Variants in MSH4 observed in about 807,000 individuals in gnomAD.
MSH4 encodes the protein mutS protein homolog 4.
Under a neutral mutation model 113.7 loss-of-function variants are expected in MSH4, and 106 were observed. That is an observed-to-expected ratio of 0.93 (90% CI 0.80 to 1.10). MSH4 has a LOEUF of 1.10. MSH4 is among the 50% of genes least tolerant of loss of function. MSH4 has a pLI of 0.00. For synonymous variants in MSH4, 368 were observed against 380.2 expected (o/e 0.97, Z 0.37); for missense variants, 1,061 against 1,093.7 (o/e 0.97, Z 0.42).
chr1:75,843,083 C>CCT (rs998835417), intron 7 of MSH4, among the ~76,000 whole-genome samples: 3 of 151,828 alleles, frequency 2.0e-5, no homozygotes, highest in African/African-American at 7.3e-5. Context: ...CTCTTTGTCT[C>CCT]CTCTCTCTCT....
intron 18 of MSH4, among the ~76,000 whole-genome samples, chr1:75,898,585 C>T (rs1019565413): frequency 2.0e-5 from 3 of 149,288 alleles, no homozygotes; most frequent in Non-Finnish European, 3.0e-5. Flanking sequence ...GTGGCACTAT[C>T]TCTGCTCACT....
chr1:75,843,705 A>G (rs1317856053), intron 7 of MSH4, among the ~76,000 whole-genome samples: 8 of 152,212 alleles, frequency 5.3e-5, no homozygotes, highest in Non-Finnish European at 1.2e-4. Context: ...ATAGAAACAG[A>G]AAATTAGAAA....
intron 9 of MSH4, among the ~76,000 whole-genome samples, chr1:75,871,212 A>G (rs1366491050): frequency 6.6e-6 from 1 of 152,104 alleles, no homozygotes; most frequent in African/African-American, 2.4e-5. Context: ...TCTGATGAGA[A>G]CTCACTCACC....
rs1206370915 is a variant in MSH4, at chr1:75,881,281, A to G, written c.1817A>G (p.His606Arg). The change falls in exon 14 of 20, where the codon CAT (histidine) becomes CGT (arginine). Residue 606 changes from histidine (H) to arginine (R), a missense_variant. Coordinates refer to ENST00000263187, the MANE Select transcript of MSH4 (RefSeq NM_002440.4). ...VCKLLSEIYE[H>R]IHCLYKLSDT... ...AAACTGCTTAGTGAGATTTATGAAC[A>G]TATTCATTGCTTATATAAACTATCT... is the stretch of plus-strand genomic sequence containing the variant. The G allele has an allele frequency of 1.2e-6, 2 of 1,608,466 alleles. No homozygotes were observed. The highest frequency in any genetic ancestry group is 1.1e-5 in the South Asian group (1 of 90,768).
chr1:75,898,045 A>G lies in MSH4; in HGVS notation c.2494A>G (p.Lys832Glu). The change falls in exon 18 of 20, where the codon AAA becomes GAA. Residue 832 changes from lysine to glutamate, a missense_variant. Coordinates refer to ENST00000263187, the MANE Select transcript of MSH4 (RefSeq NM_002440.4). ...TAAAGAAGCAATTTTGTATACCTACAAACTTTCTAAGGGACTCACAGAAGA... is the reference window on the plus strand; with the variant it reads ...TAAAGAAGCAATTTTGTATACCTACGAACTTTCTAAGGGACTCACAGAAGA... ...RNKEAILYTY[K>E]LSKGLTEEKN... The G allele has an allele frequency of 1.3e-6, 2 of 1,598,344 alleles. No homozygotes were observed. Among genetic ancestry groups the G allele is most frequent in the Non-Finnish European group, 1.7e-6 (2 of 1,172,656 alleles).
intron 7 of MSH4, among the ~76,000 whole-genome samples, chr1:75,840,173 A>G (rs1276595294): frequency 2.0e-5 from 3 of 149,914 alleles, no homozygotes; most frequent in Non-Finnish European, 4.5e-5. Flanking sequence ...TACTGGGTAT[A>G]TACCCAAAGG....
chr1:75,824,464 C>T (rs573869371), intron 7 of MSH4, among the ~76,000 whole-genome samples: 54 of 152,240 alleles, frequency 3.5e-4, no homozygotes, highest in South Asian at 8.3e-4. Flanking sequence ...TGAGCAGAAG[C>T]GCTTTAGTTT....
intron 9 of MSH4, among the ~76,000 whole-genome samples, chr1:75,867,989 T>C (rs1181771195): frequency 6.6e-6 from 1 of 152,088 alleles, no homozygotes; most frequent in Non-Finnish European, 1.5e-5. Flanking sequence ...TGATATAGGG[T>C]CCAATCCAGG....
In MSH4 at chr1:75,807,123, C is replaced by A; in HGVS notation, c.570C>A (p.Asp190Glu). ...AAATTATACTATCCCAGTTTGCAGA[C>A]AACACAACATATGCAAAGGTAAGTA... is the stretch of plus-strand genomic sequence containing the variant. ...NPQIILSQFADNTTYAKVITK... is the reference protein window; with the variant it reads ...NPQIILSQFAENTTYAKVITK... Residue 190 changes from aspartate to glutamate, a missense_variant, in exon 3 of 20, where the codon GAC becomes GAA. Coordinates refer to ENST00000263187, the MANE Select transcript of MSH4 (RefSeq NM_002440.4). 1 of 1,565,688 alleles carries A rather than the reference C, an allele frequency of 6.4e-7. No homozygotes were observed.
intron 13 of MSH4, 80 bp from the exon 14 acceptor site, chr1:75,881,166 A>C: frequency 9.0e-7 from 1 of 1,105,448 alleles, no homozygotes; most frequent in Non-Finnish European, 1.3e-6. Context: ...TCAGGCAATG[A>C]ATTTAATATT....
intron 8 of MSH4, among the ~76,000 whole-genome samples, chr1:75,866,452 T>C (rs1054564796): frequency 6.6e-6 from 1 of 152,178 alleles, no homozygotes; most frequent in Admixed American, 6.5e-5. Context: ...ACATAAGCCA[T>C]TGCACCTAGC....
chr1:75,899,651 C>A lies in MSH4; in HGVS notation c.2564C>A (p.Pro855Gln), dbSNP rs1652466086. ...GCTGCAGAGGTGTCATCACTTCCACCATCAATTGTCTTGGATGCCAAGGAA... is the reference window on the plus strand; with the variant it reads ...GCTGCAGAGGTGTCATCACTTCCACAATCAATTGTCTTGGATGCCAAGGAA... ...LKAAEVSSLPPSIVLDAKEIT... is the reference protein window; with the variant it reads ...LKAAEVSSLPQSIVLDAKEIT... Residue 855 changes from proline to glutamine, a missense_variant, in exon 19 of 20, where the codon CCA becomes CAA. Pro to Gln is a moderately conservative substitution (Grantham distance 76). Coordinates refer to ENST00000263187, the MANE Select transcript of MSH4 (RefSeq NM_002440.4). The A allele has an allele frequency of 6.6e-7, 1 of 1,511,540 alleles. No individual in the cohort carries two copies. Among genetic ancestry groups the A allele is most frequent in the East Asian group, 2.6e-5 (1 of 38,400 alleles). 93.6% of individuals were successfully genotyped at this position (1,511,540 alleles called of 1,614,324 possible). A position where few individuals can be genotyped will look rare whatever the true frequency, so the allele number is the denominator to read the frequency against.
In MSH4 at chr1:75,802,214, A is replaced by G. The variant is rs565575837; in HGVS notation, c.245-1517A>G. 2.6e-5 allele frequency among the ~76,000 whole-genome samples: 4 copies of G among 152,278 alleles called. No homozygotes were observed. The East Asian group carries it at 5.8e-4, about 22-fold the overall frequency. On this transcript the variant is annotated intron_variant, in intron 1 of 19. Coordinates refer to ENST00000263187, the MANE Select transcript of MSH4 (RefSeq NM_002440.4). ...AAAAGTTTAGCAACCCCTGGTTTACAGTTTAAGGAGTCGTTACAGCTATAT... is the reference window on the plus strand; with the variant it reads ...AAAAGTTTAGCAACCCCTGGTTTACGGTTTAAGGAGTCGTTACAGCTATAT...
rs761865312 is a variant in MSH4 at position 75,879,123 on chromosome 1, A to C, written c.1672A>C (p.Ile558Leu). The C allele has an allele frequency of 6.2e-7, 1 of 1,608,984 alleles. No homozygotes were observed. Among genetic ancestry groups the C allele is most frequent in the Non-Finnish European group, 8.5e-7 (1 of 1,176,244 alleles). The change falls in exon 12 of 20, where the codon ATT (isoleucine) becomes CTT (leucine). Residue 558 changes from isoleucine to leucine, a missense_variant. By Grantham distance (5) the Ile-to-Leu change is conservative. Transcript: ENST00000263187. The part of the protein sequence containing the change: ...LPSDQLPSEF[I>L]KISKVKNSYS... ...TAGTGATCAACTTCCTTCAGAATTT[A>C]TTAAGGTTCATTTTAGAGTGGTTAG...
chr1:75,845,365 A>G (rs1354916555), intron 7 of MSH4, among the ~76,000 whole-genome samples: 5 of 152,216 alleles, frequency 3.3e-5, no homozygotes, highest in Admixed American at 3.3e-4. Context: ...CCCACCAGCT[A>G]TGAGCCTATG....
At chr1:75,806,882 ATT>A in intron 2 of MSH4, 97 bp from the exon 3 acceptor site, 1 of 1,084,230 alleles carries the variant, frequency 9.2e-7, no homozygotes, top group Non-Finnish European at 1.3e-6. Flanking sequence ...TACAGATTGC[ATT>A]ATTTTGTCCT....
At chr1:75,800,401 TAAGA>T (rs1444422782) in intron 1 of MSH4, among the ~76,000 whole-genome samples, 3 of 152,168 alleles carry the variant, frequency 2.0e-5, no homozygotes, top group Admixed American at 6.5e-5. Flanking sequence ...ATAGGAATTG[TAAGA>T]AAGAGAGATA....
At chr1:75,875,792 A>G (rs1651805133) in intron 9 of MSH4, among the ~76,000 whole-genome samples, 1 of 151,816 alleles carries the variant, frequency 6.6e-6, no homozygotes, top group Non-Finnish European at 1.5e-5. Flanking sequence ...TATTAATGGT[A>G]TGTCAGGTTT....
chr1:75,885,318 G>GTGTGTGTGT (rs1557523735), intron 15 of MSH4, among the ~76,000 whole-genome samples: 13 of 105,320 alleles, frequency 1.2e-4, no homozygotes, highest in East Asian at 2.8e-4. Flanking sequence ...TCACACTGGG[G>GTGTGTGTGT]GTGTGTGTGT....
Sources: allele counts gnomAD v4.1 joint callset (sites outside exome capture counted in the v4.1 genomes callset), GRCh38; gene constraint gnomAD v4.1.1; transcripts MANE v1.5; gene names NCBI Gene and HGNC (gene_info 2026-07-23, HGNC 2026-07-21).